MCTP1: variants seen among roughly 807,000 people sequenced by gnomAD.
MCTP1 encodes the protein multiple C2 and transmembrane domain containing 1.
In MCTP1, 69 loss-of-function variants were observed where a neutral mutation model predicts 120.6. The observed-to-expected ratio is 0.57, with a 90% confidence interval of 0.47 to 0.70. The LOEUF (loss-of-function observed/expected upper bound fraction) is 0.70. Among genes scored for constraint, MCTP1 ranks in the 30% least tolerant of loss-of-function variants. MCTP1 has a pLI of 0.00. For synonymous variants in MCTP1, 529 were observed against 493.1 expected (o/e 1.07, Z -0.96); for missense variants, 1,203 against 1,248.8 (o/e 0.96, Z 0.55).
At chr5:94,793,891 G>A (rs557997903) in intron 18 of MCTP1, among the ~76,000 whole-genome samples, 104 of 152,344 alleles carry the variant, frequency 6.8e-4, no homozygotes, top group African/African-American at 2.3e-3. Context: ...ACAGAGTGCT[G>A]CTCTTAGGAG....
intron 17 of MCTP1, among the ~76,000 whole-genome samples, chr5:94,812,745 C>T (rs1364543598): frequency 6.6e-6 from 1 of 150,676 alleles, no homozygotes; most frequent in Non-Finnish European, 1.5e-5. Context: ...AGCACTCCAG[C>T]CTGAGCAACA....
intron 2 of MCTP1, among the ~76,000 whole-genome samples, chr5:95,014,862 A>C (rs1057339623): frequency 6.6e-6 from 1 of 152,126 alleles, no homozygotes; most frequent in African/African-American, 2.4e-5. Context: ...AGAGTAAATC[A>C]ATGTGGCAAA....
chr5:94,856,569 A>T (rs1346171991), intron 17 of MCTP1, among the ~76,000 whole-genome samples: 5 of 151,688 alleles, frequency 3.3e-5, no homozygotes, highest in African/African-American at 1.2e-4. Flanking sequence ...AACTAATTGC[A>T]TTCAGACTTG....
At chr5:94,878,534 G>A (rs551387193) in intron 12 of MCTP1, among the ~76,000 whole-genome samples, 1 of 151,594 alleles carries the variant, frequency 6.6e-6, no homozygotes, top group South Asian at 2.1e-4. Flanking sequence ...TGAAGATTTT[G>A]TAATGTCCTT....
chr5:94,995,567 A>C (rs11750686), intron 2 of MCTP1, among the ~76,000 whole-genome samples: 10 of 152,216 alleles, frequency 6.6e-5, no homozygotes, highest in Non-Finnish European at 1.5e-4. Flanking sequence ...AATTCTAAAA[A>C]GACAGAACAA....
chr5:94,988,622 T>C (rs1053596273), intron 2 of MCTP1, among the ~76,000 whole-genome samples: 1 of 147,252 alleles, frequency 6.8e-6, no homozygotes, highest in Middle Eastern at 3.4e-3. Flanking sequence ...TTTTTGGTAC[T>C]TCACCTTCTA....
At chr5:95,015,675 C>T (rs1460641182) in intron 2 of MCTP1, among the ~76,000 whole-genome samples, 1 of 152,060 alleles carries the variant, frequency 6.6e-6, no homozygotes, top group Non-Finnish European at 1.5e-5. Flanking sequence ...ACAACACATC[C>T]TATACATTTT....
intron 1 of MCTP1, among the ~76,000 whole-genome samples, chr5:95,053,372 A>T (rs1348985731): frequency 6.6e-6 from 1 of 152,214 alleles, no homozygotes. Flanking sequence ...ATATAAAACT[A>T]TGGCTAAACA....
At chr5:94,912,184 T>G (rs1020568193) in intron 9 of MCTP1, among the ~76,000 whole-genome samples, 1 of 151,984 alleles carries the variant, frequency 6.6e-6, no homozygotes, top group African/African-American at 2.4e-5. Flanking sequence ...GCTACACTCT[T>G]GGGAGGCCAA....
chr5:94,733,718 C>T lies in MCTP1; in HGVS notation c.2611-18832G>A, dbSNP rs148107925. On this transcript the variant is annotated intron_variant, in intron 19 of 22. Coordinates refer to ENST00000515393, the MANE Select transcript of MCTP1 (RefSeq NM_024717.7). ...CAGTGGCTCATGCCTGTAATCCCAACACTTTGGGAGGACAAGGCAGGCAGA... is the reference window on the plus strand; with the variant it reads ...CAGTGGCTCATGCCTGTAATCCCAATACTTTGGGAGGACAAGGCAGGCAGA... 4.7e-3 allele frequency among the ~76,000 whole-genome samples: 715 copies of T among 152,210 alleles called. 5 individuals carry two copies. The highest frequency in any genetic ancestry group is 0.015 in the South Asian group (73 of 4,822).
intron 18 of MCTP1, chr5:94,789,020 C>T (rs1269382874): frequency 2.0e-5 from 3 of 152,204 alleles, no homozygotes; most frequent in Non-Finnish European, 4.4e-5. Flanking sequence ...CAGGGTTCAA[C>T]TGCAGCTCAA....
chr5:95,061,560 A>C (rs539035394), intron 1 of MCTP1, among the ~76,000 whole-genome samples: 3,466 of 148,018 alleles, frequency 0.023, 52 homozygotes, highest in Non-Finnish European at 0.034. Flanking sequence ...CTCAGCCTCC[A>C]AAGTAGCTGG....
chr5:94,906,338 T>G (rs867048205), intron 10 of MCTP1, among the ~76,000 whole-genome samples: 1 of 152,136 alleles, frequency 6.6e-6, no homozygotes, highest in Middle Eastern at 3.4e-3. Context: ...ATACAAAAAT[T>G]AGCCGGGCAT....
intron 1 of MCTP1, among the ~76,000 whole-genome samples, chr5:95,049,865 C>A (rs909139347): frequency 1.3e-5 from 2 of 152,120 alleles, no homozygotes; most frequent in African/African-American, 2.4e-5. Flanking sequence ...AGCTCCGTAT[C>A]ACCTGTCTTC....
At chr5:95,123,294 A>G (rs1054649924) in intron 1 of MCTP1, among the ~76,000 whole-genome samples, 1 of 149,330 alleles carries the variant, frequency 6.7e-6, no homozygotes, top group East Asian at 1.9e-4. Context: ...TAGCACAACT[A>G]AAAAAAAATG....
At chr5:95,211,046 T>C (rs1472735407) in intron 1 of MCTP1, among the ~76,000 whole-genome samples, 5 of 152,174 alleles carry the variant, frequency 3.3e-5, no homozygotes, top group Admixed American at 3.3e-4. Flanking sequence ...AGAGATCCAC[T>C]GTTAGTCTGA....
intron 2 of MCTP1, among the ~76,000 whole-genome samples, chr5:95,003,723 A>G (rs895047266): frequency 6.6e-5 from 10 of 152,198 alleles, no homozygotes; most frequent in Non-Finnish European, 1.2e-4. Context: ...CTTCCCCAGA[A>G]GCAGAAGCAT....
chr5:94,900,989 C>T (rs557477224), intron 10 of MCTP1, among the ~76,000 whole-genome samples: 4 of 152,282 alleles, frequency 2.6e-5, no homozygotes, highest in African/African-American at 7.2e-5. Context: ...TGATCTGCAT[C>T]AAATTCAACT....
At chr5:95,178,041 C>A (rs1303650264) in intron 1 of MCTP1, among the ~76,000 whole-genome samples, 3 of 152,158 alleles carry the variant, frequency 2.0e-5, no homozygotes, top group African/African-American at 7.2e-5. Flanking sequence ...GGACTGCAGG[C>A]TATGTGGGAA....
Sources: gnomAD v4.1 joint callset for allele counts (sites outside exome capture counted in the v4.1 genomes callset) on GRCh38, gnomAD v4.1.1 for gene constraint, MANE v1.5 for transcripts, NCBI Gene and HGNC (gene_info 2026-07-23, HGNC 2026-07-21) for gene names.